The following SMARCD2 variants were observed in gnomAD, a reference collection of about 807,000 sequenced individuals.
SMARCD2 encodes SWI/SNF-related matrix-associated actin-dependent regulator of chromatin subfamily D member 2.
Under a neutral mutation model 70.4 loss-of-function variants are expected in SMARCD2, and 39 were observed. The ratio of observed to expected loss-of-function variants is 0.55; its 90% CI spans 0.43 to 0.72. The LOEUF (loss-of-function observed/expected upper bound fraction) is 0.72. SMARCD2 is among the 30% of genes least tolerant of loss of function. The pLI is 0.00. For missense variants in SMARCD2, 540 were observed against 713.4 expected (o/e 0.76, Z 2.77); for synonymous variants, 249 against 279.4 (o/e 0.89, Z 1.08).
chr17:63,832,275 C>T lies in SMARCD2; in HGVS notation c.*663G>A, dbSNP rs1404240452. On this transcript the variant is annotated 3_prime_UTR_variant, in exon 13 of 13. Transcript: ENST00000448276. Reference sequence around the variant, plus strand: ...TGCTAGAGAACTGGAGTGTCCCCTCCCCGGCCCAAGCCGCTGGAGAGGCAG... The same window carrying T: ...TGCTAGAGAACTGGAGTGTCCCCTCTCCGGCCCAAGCCGCTGGAGAGGCAG... The T allele has an allele frequency of 7.4e-6, 3 of 406,432 alleles. No homozygotes were observed. The highest frequency in any genetic ancestry group is 4.1e-5 in the Admixed American group (1 of 24,388). 25.2% of individuals were successfully genotyped at this position (406,432 alleles called of 1,614,324 possible).
intron 1 of SMARCD2, chr17:63,838,682 G>A: frequency 7.1e-7 from 1 of 1,411,978 alleles, no homozygotes; most frequent in Non-Finnish European, 9.3e-7. Context: ...GCCTCCCCAT[G>A]GCTGCTGCCT....
intron 1 of SMARCD2, 137 bp downstream of exon 1, chr17:63,842,307 CGCCGCAGCCCGAGGG>C (rs1904498638): frequency 8.8e-7 from 1 of 1,140,602 alleles, no homozygotes; most frequent in Non-Finnish European, 1.1e-6. Context: ...CACCGCGACC[CGCCGCAGCCCGAGGG>C]TCCCGGCCCG....
Position 63,842,555 on chromosome 17 carries a change from C to G in SMARCD2, c.120G>C (p.Pro40=). 8.3e-7 allele frequency: 1 copy of G among 1,205,110 alleles called. No individual in the cohort carries two copies. The highest frequency in any genetic ancestry group is 1.0e-6 in the Non-Finnish European group (1 of 971,128). The allele number at this position is 1,205,110 out of a possible 1,614,324, so 74.7% of individuals were successfully genotyped here. Reference sequence around the variant, plus strand: ...CTGCCGGACCCGGTCCCCGGAGCGCCGGTCCGGGCAGCATGCCGGGTCCCG... The same window carrying G: ...CTGCCGGACCCGGTCCCCGGAGCGCGGGTCCGGGCAGCATGCCGGGTCCCG... The part of the protein sequence containing the change: ...PPAGPGMLPG[P]ALRGPGPAGG... The change falls in exon 1 of 13, where the codon CCG becomes CCC. Residue 40 remains proline, a synonymous_variant. Transcript: ENST00000448276.
At chr17:63,836,816 C>T in intron 4 of SMARCD2, 106 bp downstream of exon 4, 1 of 1,014,548 alleles carries the variant, frequency 9.9e-7, no homozygotes. Flanking sequence ...CTGCATCCTG[C>T]ATGTGAAAAA....
chr17:63,838,127 A>G (rs1054041897), intron 1 of SMARCD2, among the ~76,000 whole-genome samples: 4 of 152,046 alleles, frequency 2.6e-5, no homozygotes, highest in Admixed American at 6.5e-5. Context: ...CAGAGCCCCA[A>G]TCCCCATCCT....
rs559122141 is a variant in SMARCD2 at position 63,833,859 on chromosome 17, G to A, written c.1181+50C>T. ...TTTCTTTGGCTTTAGTTCAAGCCAAGGGTGAATCTGCTCTTAGAAGAGCCT... is the reference window on the plus strand; with the variant it reads ...TTTCTTTGGCTTTAGTTCAAGCCAAAGGTGAATCTGCTCTTAGAAGAGCCT... On this transcript the variant is annotated intron_variant, in intron 9 of 12. Transcript: ENST00000448276. This position sits in a 1 kb window ranked among gnomAD's most constrained non-coding sequence, Gnocchi z 4.3. 1.8e-5 allele frequency: 27 copies of A among 1,540,462 alleles called. No homozygotes were observed. In the African/African-American group the frequency reaches 3.1e-4, roughly 18 times the overall value.
chr17:63,835,447 A>G lies in SMARCD2; in HGVS notation c.688T>C (p.Trp230Arg). ...AGTTTTCCTTCCACTCGGAGTTCCC[A>G]GGAAGCCACCTTGTCCCCTGCTGGG... ...GTPAGDKVASWELRVEGKLLD... is the reference protein window; with the variant it reads ...GTPAGDKVASRELRVEGKLLD... Residue 230 changes from tryptophan (W) to arginine (R), a missense_variant, in exon 5 of 13, where the codon TGG (tryptophan) becomes CGG (arginine). Trp to Arg is a moderately radical substitution (Grantham distance 101). Transcript: ENST00000448276. 6.2e-7 allele frequency: 1 copy of G among 1,613,734 alleles called. No homozygotes were observed. The highest frequency in any genetic ancestry group is 8.5e-7 in the Non-Finnish European group (1 of 1,179,726).
chr17:63,842,642 C>A lies in SMARCD2; in HGVS notation c.33G>T (p.Leu11=). 1 of 1,267,566 alleles carries A rather than the reference C, an allele frequency of 7.9e-7. No individual in the cohort carries two copies. The highest frequency in any genetic ancestry group is 2.8e-5 in the South Asian group (1 of 35,838). 78.5% of individuals were successfully genotyped at this position (1,267,566 alleles called of 1,614,324 possible). A position where few individuals can be genotyped will look rare whatever the true frequency, so the allele number is the denominator to read the frequency against. Residue 11 remains leucine, a synonymous_variant, in exon 1 of 13, where the codon CTG becomes CTT. Coordinates refer to ENST00000448276, the MANE Select transcript of SMARCD2 (RefSeq NM_001098426.2). MSGRGAGGFP[L]PPLSPGGGAV... is the part of the protein sequence containing the mutation. ...CGCCGCCGCCAGGGCTTAGCGGGGGCAGCGGGAACCCGCCCGCGCCTCGGC... is the reference window on the plus strand; with the variant it reads ...CGCCGCCGCCAGGGCTTAGCGGGGGAAGCGGGAACCCGCCCGCGCCTCGGC...
At chr17:63,839,159 G>T in intron 1 of SMARCD2, 1 of 985,420 alleles carries the variant, frequency 1.0e-6, no homozygotes, top group Non-Finnish European at 1.2e-6. Flanking sequence ...TCTGGCCTGA[G>T]ATTATAGAAA....
intron 1 of SMARCD2, among the ~76,000 whole-genome samples, chr17:63,839,620 GAA>G (rs1419939639): frequency 7.0e-6 from 1 of 142,800 alleles, no homozygotes; most frequent in Admixed American, 7.0e-5. Flanking sequence ...AGGAGTTAAA[GAA>G]AAAAAAAAAA....
chr17:63,832,649 AAATGTCTTAC>A lies in SMARCD2; in HGVS notation c.*279_*288del. The stretch of plus-strand genomic sequence containing the variant: ...GCAAACCCAGCAGCCTTTGGTTCGG[AAATGTCTTAC>A]AATGTCAAAGCACAGCCTCCAGCAG... On this transcript the variant is annotated 3_prime_UTR_variant, in exon 13 of 13. Transcript: ENST00000448276. 1 of 501,584 alleles carries A rather than the reference AAATGTCTTAC, an allele frequency of 2.0e-6. No homozygotes were observed. The highest frequency in any genetic ancestry group is 2.2e-5 in the South Asian group (1 of 45,056). The allele number at this position is 501,584 out of a possible 1,614,324, so 31.1% of individuals were successfully genotyped here.
intron 1 of SMARCD2, among the ~76,000 whole-genome samples, chr17:63,841,456 C>T (rs1166303041): frequency 6.6e-6 from 1 of 152,194 alleles, no homozygotes; most frequent in African/African-American, 2.4e-5. Flanking sequence ...TGGCTTCGGA[C>T]GTGGTGGAGT....
rs752431462 is a variant in SMARCD2, at chr17:63,833,869, G to A, written c.1181+40C>T. On this transcript the variant is annotated intron_variant, in intron 9 of 12. Transcript: ENST00000448276. The surrounding 1 kb of genome is among the most constrained non-coding windows in gnomAD (Gnocchi z 4.3). ...TTTAGTTCAAGCCAAGGGTGAATCT[G>A]CTCTTAGAAGAGCCTTCCTGTCCCC... The A allele has an allele frequency of 7.7e-6, 12 of 1,548,968 alleles. No individual in the cohort carries two copies. Among genetic ancestry groups the A allele is most frequent in the Non-Finnish European group, 1.1e-5 (12 of 1,121,534 alleles).
At chr17:63,835,309 G>A in intron 5 of SMARCD2, 103 bp downstream of exon 5, 8 of 1,245,784 alleles carry the variant, frequency 6.4e-6, no homozygotes, top group East Asian at 2.4e-5. Flanking sequence ...TTTTTGTAGA[G>A]ATGGGGTCTG....
At chr17:63,842,410 G>T in intron 1 of SMARCD2, 49 bp downstream of exon 1, 1 of 1,308,538 alleles carries the variant, frequency 7.6e-7, no homozygotes, top group East Asian at 3.5e-5. Context: ...CGGCCCGGGC[G>T]CCCTCGCAGC....
rs1297740142 is a variant in SMARCD2 at position 63,832,404 on chromosome 17, C to G, written c.*534G>C. 1 of 210,054 alleles carries G rather than the reference C, an allele frequency of 4.8e-6. No homozygotes were observed. Among genetic ancestry groups the G allele is most frequent in the Admixed American group, 5.2e-5 (1 of 19,134 alleles). 13.0% of individuals were successfully genotyped at this position (210,054 alleles called of 1,614,324 possible). ...AGGCTCCCTGAAAACCCCCAACTTA[C>G]CCCTGTACAAAAAAAGTGGCTCCCA... On this transcript the variant is annotated 3_prime_UTR_variant, in exon 13 of 13. Transcript: ENST00000448276.
chr17:63,838,307 C>A (rs563520052), intron 1 of SMARCD2, among the ~76,000 whole-genome samples: 16 of 152,168 alleles, frequency 1.1e-4, no homozygotes, highest in African/African-American at 3.4e-4. Context: ...CAGCCCAGAA[C>A]TGGACCCTCC....
Position 63,838,672 on chromosome 17 carries a change from G to A in SMARCD2, c.217-1047C>T, listed in dbSNP as rs536024292. The A allele has an allele frequency of 1.0e-4, 112 of 1,073,100 alleles. No homozygotes were observed. In the Admixed American group the frequency reaches 1.3e-3, roughly 13 times the overall value. The allele number at this position is 1,073,100 out of a possible 1,614,324, so 66.5% of individuals were successfully genotyped here. A position where few individuals can be genotyped will look rare whatever the true frequency, so the allele number is the denominator to read the frequency against. The stretch of plus-strand genomic sequence containing the variant: ...CTGGGAGTCACCTCCACCCCCACCC[G>A]CCTCCCCATGGCTGCTGCCTGCAAG... On this transcript the variant is annotated intron_variant, in intron 1 of 12. Coordinates refer to ENST00000448276, the MANE Select transcript of SMARCD2 (RefSeq NM_001098426.2).
At chr17:63,840,319 A>G (rs1043049392) in intron 1 of SMARCD2, among the ~76,000 whole-genome samples, 2 of 143,188 alleles carry the variant, frequency 1.4e-5, no homozygotes, top group Admixed American at 1.4e-4. Context: ...ATAAGCGCAC[A>G]CCACCATGCT....
Sources: gnomAD v4.1 joint callset for allele counts (sites outside exome capture counted in the v4.1 genomes callset) on GRCh38, gnomAD v4.1.1 for gene constraint, Gnocchi (gnomAD v3.1) non-coding constraint, MANE v1.5 for transcripts, NCBI Gene and HGNC (gene_info 2026-07-23, HGNC 2026-07-21) for gene names.